The following CNBD1 variants were observed in gnomAD, a reference collection of about 807,000 sequenced individuals.
CNBD1 encodes cyclic nucleotide binding domain containing 1, also known as cyclic nucleotide-binding domain-containing protein 1.
In CNBD1, 71 loss-of-function variants were observed where a neutral mutation model predicts 54.4. The observed-to-expected ratio is 1.30, with a 90% CI of 1.08 to 1.59. The LOEUF (loss-of-function observed/expected upper bound fraction) is 1.59. Ranked by LOEUF, CNBD1 falls within the 40% of genes most tolerant of loss-of-function variation. CNBD1 has a pLI of 0.00. For synonymous variants in CNBD1, 182 were observed against 170.7 expected (o/e 1.07, Z -0.51); for missense variants, 659 against 518.0 (o/e 1.27, Z -2.64).
intron 4 of CNBD1, among the ~76,000 whole-genome samples, chr8:87,167,393 C>T (rs1812985532): frequency 6.6e-6 from 1 of 151,882 alleles, no homozygotes; most frequent in Non-Finnish European, 1.5e-5. Context: ...TTCAATTATA[C>T]AGTAAATTGT....
chr8:87,389,857 G>C (rs997369570), intron 2 of CNBD1, among the ~76,000 whole-genome samples: 1 of 152,074 alleles, frequency 6.6e-6, no homozygotes, highest in Non-Finnish European at 1.5e-5. Context: ...ATACTACAAG[G>C]CTACAGTAAC....
rs143214671 is a variant in CNBD1 at position 87,352,879 on chromosome 8, C to T, written c.1153-757C>T. 2.9e-3 allele frequency among the ~76,000 whole-genome samples: 435 copies of T among 152,200 alleles called. 5 individuals are homozygous for T. The highest frequency in any genetic ancestry group is 9.4e-3 in the African/African-American group (389 of 41,542). On this transcript the variant is annotated intron_variant, in intron 9 of 10. Coordinates refer to ENST00000518476, the MANE Select transcript of CNBD1 (RefSeq NM_173538.3). ...TGCCATTTATATAGGTGCAAATATT[C>T]AAGTTATATTGGATTTGACTCCAGG...
At chr8:86,879,513 G>A (rs1172553002) in intron 1 of CNBD1, among the ~76,000 whole-genome samples, 1 of 152,164 alleles carries the variant, frequency 6.6e-6, no homozygotes, top group African/African-American at 2.4e-5. Flanking sequence ...ATGATCCAAA[G>A]AGAATATAAT....
Position 86,939,764 on chromosome 8 carries a change from T to TA in CNBD1, c.431+14dup, listed in dbSNP as rs1563829864. ...CTATCTTAAAGAAATTGTAAGTATT[T>TA]AAAATATATTCCTTCTTCTAATTGA... On this transcript the variant is annotated intron_variant, in intron 4 of 10. Coordinates refer to ENST00000518476, the MANE Select transcript of CNBD1 (RefSeq NM_173538.3). 1 of 1,449,770 alleles carries TA rather than the reference T, an allele frequency of 6.9e-7. No individual in the cohort carries two copies. The highest frequency in any genetic ancestry group is 2.4e-5 in the East Asian group (1 of 42,158). 89.8% of individuals were successfully genotyped at this position (1,449,770 alleles called of 1,614,324 possible). A position where few individuals can be genotyped will look rare whatever the true frequency, so the allele number is the denominator to read the frequency against.
chr8:87,061,690 G>T (rs551328876), intron 4 of CNBD1, among the ~76,000 whole-genome samples: 2 of 152,102 alleles, frequency 1.3e-5, no homozygotes, highest in African/African-American at 4.8e-5. Flanking sequence ...TTTGTATACT[G>T]TATGTTCCAA....
chr8:87,396,625 A>C (rs1811412450), intron 2 of CNBD1, among the ~76,000 whole-genome samples: 1 of 151,658 alleles, frequency 6.6e-6, no homozygotes, highest in Non-Finnish European at 1.5e-5. Flanking sequence ...TGATATTTTC[A>C]TTTCCAGTTC....
intron 4 of CNBD1, among the ~76,000 whole-genome samples, chr8:87,184,838 T>C (rs1813441456): frequency 1.3e-5 from 2 of 152,194 alleles, no homozygotes; most frequent in Non-Finnish European, 2.9e-5. Flanking sequence ...TTCCTGGCTG[T>C]GTCTGTCAGC....
rs1202822335 is a variant in CNBD1 at position 87,325,690 on chromosome 8, T to C, written c.1043-25995T>C. On this transcript the variant is annotated intron_variant, in intron 8 of 10. Transcript: ENST00000518476. ...CCTCCATCCTTTTATTTTGAGCCCA[T>C]GTGTGTCTCTGCATGTGAGATGGGT... Among the ~76,000 whole-genome samples the C allele has an allele frequency of 2.1e-5, 3 of 142,014 alleles. No individual in the cohort carries two copies. The East Asian group carries it at 5.9e-4, about 28-fold the overall frequency. 93.2% of individuals were successfully genotyped at this position (142,014 alleles called of 152,430 possible).
chr8:87,380,629 A>T (rs1162290853), intron 10 of CNBD1, among the ~76,000 whole-genome samples: 3 of 151,972 alleles, frequency 2.0e-5, no homozygotes, highest in South Asian at 2.1e-4. Flanking sequence ...TTTTAACAAT[A>T]TTGTCTTCCA....
At chr8:86,879,513 G>T (rs1172553002) in intron 1 of CNBD1, among the ~76,000 whole-genome samples, 1 of 152,164 alleles carries the variant, frequency 6.6e-6, no homozygotes, top group African/African-American at 2.4e-5. Context: ...ATGATCCAAA[G>T]AGAATATAAT....
chr8:87,425,772 G>T (rs1164572469), intron 2 of CNBD1, among the ~76,000 whole-genome samples: 7 of 149,610 alleles, frequency 4.7e-5, no homozygotes, highest in Middle Eastern at 3.2e-3. Flanking sequence ...CTGTCTTTTT[G>T]TTTGTCTGTG....
At chr8:87,401,920 G>T (rs1807573713) in intron 2 of CNBD1, among the ~76,000 whole-genome samples, 1 of 151,958 alleles carries the variant, frequency 6.6e-6, no homozygotes, top group Non-Finnish European at 1.5e-5. Flanking sequence ...GCTTAGGAGA[G>T]GACATGTGAC....
chr8:87,387,417 C>G (rs1412001241), downstream of CNBD1, among the ~76,000 whole-genome samples: 1 of 151,902 alleles, frequency 6.6e-6, no homozygotes, highest in Non-Finnish European at 1.5e-5. Flanking sequence ...GAAGATCTAC[C>G]AAGCAAATGG....
At chr8:86,944,033 C>A (rs1439526582) in intron 4 of CNBD1, among the ~76,000 whole-genome samples, 2 of 151,978 alleles carry the variant, frequency 1.3e-5, no homozygotes, top group Non-Finnish European at 2.9e-5. Context: ...ATTTTTATAC[C>A]CACCCTTGAA....
rs1370069162 is a variant in CNBD1, at chr8:86,876,947, C to T, written c.88+10364C>T. On this transcript the variant is annotated intron_variant, in intron 1 of 10. Coordinates refer to ENST00000518476, the MANE Select transcript of CNBD1 (RefSeq NM_173538.3). ...TTTATGAATTTTGATGGTATATAAT[C>T]TGAGAACAAAAATGTTTAATAGTTT... is the stretch of plus-strand genomic sequence containing the variant. 2.0e-5 allele frequency among the ~76,000 whole-genome samples: 3 copies of T among 152,018 alleles called. No homozygotes were observed. In the East Asian group the frequency reaches 5.8e-4, roughly 29 times the overall value.
chr8:87,380,208 A>C (rs1002595132), intron 10 of CNBD1, among the ~76,000 whole-genome samples: 2 of 152,022 alleles, frequency 1.3e-5, no homozygotes, highest in African/African-American at 4.8e-5. Flanking sequence ...GTCAAATGTC[A>C]AGATAGAAAT....
At chr8:87,157,607 T>G (rs1490437905) in intron 4 of CNBD1, among the ~76,000 whole-genome samples, 1 of 152,182 alleles carries the variant, frequency 6.6e-6, no homozygotes, top group Non-Finnish European at 1.5e-5. Flanking sequence ...TTCCTCCTTC[T>G]GCCCTTCTCC....
chr8:86,901,757 A>G (rs13248854), intron 2 of CNBD1, among the ~76,000 whole-genome samples: 76,469 of 151,948 alleles, frequency 0.5, 19,588 homozygotes, highest in South Asian at 0.61. Context: ...GACATTGAGA[A>G]TCTTATGTGG....
intron 4 of CNBD1, among the ~76,000 whole-genome samples, chr8:87,102,385 C>G (rs1318227102): frequency 1.3e-5 from 2 of 152,098 alleles, no homozygotes; most frequent in Non-Finnish European, 2.9e-5. Flanking sequence ...TATGAATTCA[C>G]ATTTTATGTC....
Sources: gnomAD v4.1 joint callset for allele counts (sites outside exome capture counted in the v4.1 genomes callset) on GRCh38, gnomAD v4.1.1 for gene constraint, MANE v1.5 for transcripts, NCBI Gene and HGNC (gene_info 2026-07-23, HGNC 2026-07-21) for gene names.